Variants in STON1 observed in about 807,000 individuals in gnomAD.
The protein encoded by STON1 is stonin 1, also known as stonin-1.
In STON1, 79 loss-of-function variants were observed where a neutral mutation model predicts 60.9. The observed-to-expected ratio is 1.30, with a 90% CI of 1.08 to 1.56. The LOEUF (loss-of-function observed/expected upper bound fraction) is 1.56, where lower values mean the gene tolerates loss of function less well. STON1 is among the 40% of genes most tolerant of loss of function. The pLI is 0.00. For missense variants in STON1, 1,166 were observed against 858.9 expected (o/e 1.36, Z -4.47); for synonymous variants, 363 against 306.9 (o/e 1.18, Z -1.91).
rs762534620 is a variant in STON1 at position 48,580,620 on chromosome 2, A to G, written c.-14A>G. On this transcript the variant is annotated 5_prime_UTR_variant, in exon 2 of 4. Coordinates refer to ENST00000404752, the MANE Select transcript of STON1 (RefSeq NM_006873.4). The stretch of plus-strand genomic sequence containing the variant: ...TATTTGATTTCTTGACAAGACCACA[A>G]TCTGATCCCAAAGATGTGCTCCACA... 6.7e-6 allele frequency: 9 copies of G among 1,341,770 alleles called. No individual in the cohort carries two copies. The highest frequency in any genetic ancestry group is 8.7e-6 in the Non-Finnish European group (9 of 1,039,336). 83.1% of individuals were successfully genotyped at this position (1,341,770 alleles called of 1,614,324 possible). A position where few individuals can be genotyped will look rare whatever the true frequency, so the allele number is the denominator to read the frequency against.
At chr2:48,551,016 T>C (rs1264438723) in intron 1 of STON1, among the ~76,000 whole-genome samples, 1 of 148,352 alleles carries the variant, frequency 6.7e-6, no homozygotes, top group Non-Finnish European at 1.5e-5. Flanking sequence ...CTGGTTTCTG[T>C]ATTTATTATT....
chr2:48,592,518 G>A (rs940995123), intron 3 of STON1, among the ~76,000 whole-genome samples: 4 of 150,718 alleles, frequency 2.7e-5, no homozygotes, highest in South Asian at 2.1e-4. Context: ...TGCAACCTCC[G>A]CCTCCTGGGT....
chr2:48,572,107 G>A (rs1323950231), intron 1 of STON1, among the ~76,000 whole-genome samples: 1 of 152,188 alleles, frequency 6.6e-6, no homozygotes, highest in Non-Finnish European at 1.5e-5. Context: ...AGGTTGCAGT[G>A]AGCCAAGATC....
Position 48,581,549 on chromosome 2 carries a change from A to G in STON1, c.916A>G (p.Ile306Val), listed in dbSNP as rs1046708917. ...PIFLKVLPGG[I>V]LQMYYEQGLE... ...TTTTCTGAAAGTTTTGCCTGGAGGA[A>G]TTTTGCAGATGTATTATGAACAGGG... The change falls in exon 2 of 4, where the codon ATT becomes GTT. Residue 306 changes from isoleucine to valine, a missense_variant. By Grantham distance (29) the Ile-to-Val change is conservative. Coordinates refer to ENST00000404752, the MANE Select transcript of STON1 (RefSeq NM_006873.4). 12 of 1,614,086 alleles carry G rather than the reference A, an allele frequency of 7.4e-6. No homozygotes were observed. Among genetic ancestry groups the G allele is most frequent in the Non-Finnish European group, 1.0e-5 (12 of 1,180,042 alleles).
chr2:48,573,603 T>A (rs1476016217), intron 1 of STON1, among the ~76,000 whole-genome samples: 3 of 152,186 alleles, frequency 2.0e-5, no homozygotes, highest in Non-Finnish European at 4.4e-5. Context: ...CTGGTGTCAT[T>A]AGAATAATTT....
intron 1 of STON1, among the ~76,000 whole-genome samples, chr2:48,548,152 G>A (rs1671937896): frequency 6.6e-6 from 1 of 152,184 alleles, no homozygotes; most frequent in African/African-American, 2.4e-5. Flanking sequence ...GGCTTGGCCA[G>A]GGCCTTTCTA....
chr2:48,575,781 G>A (rs1393819978), intron 1 of STON1, among the ~76,000 whole-genome samples: 3 of 97,248 alleles, frequency 3.1e-5, no homozygotes, highest in East Asian at 7.8e-4. Context: ...TTTTTGAGAT[G>A]CAGTTTTGCT....
intron 1 of STON1, 78 bp from the exon 2 acceptor site, chr2:48,580,509 C>T: frequency 3.2e-6 from 4 of 1,249,970 alleles, no homozygotes; most frequent in Non-Finnish European, 3.0e-6. Context: ...AAGCATTTAT[C>T]AGAAGTAAAG....
chr2:48,596,799 G>C lies in STON1; in HGVS notation c.*1497G>C, dbSNP rs1674798935. The C allele has an allele frequency of 6.6e-6, 1 of 152,030 alleles. No individual in the cohort carries two copies. The highest frequency in any genetic ancestry group is 1.5e-5 in the Non-Finnish European group (1 of 68,000). 9.4% of individuals were successfully genotyped at this position (152,030 alleles called of 1,614,324 possible). On this transcript the variant is annotated 3_prime_UTR_variant, in exon 4 of 4. Transcript: ENST00000404752. ...TGCTTTTCATTATTTTACTGTAAAG[G>C]CAAAGAATGCAATAGGTGATGGTTG...
In STON1 at chr2:48,571,892, C is replaced by T. The variant is rs552376145; in HGVS notation, c.-47-8695C>T. Among the ~76,000 whole-genome samples the T allele has an allele frequency of 8.7e-4, 132 of 152,266 alleles. 1 individual carries two copies. Among genetic ancestry groups the T allele is most frequent in the Middle Eastern group, 3.4e-3 (1 of 292 alleles). ...GTAAAAAGGATTGATAGGCTGGGCA[C>T]GGTGGCTCACGCCTGTAATCCCAGC... On this transcript the variant is annotated intron_variant, in intron 1 of 3. Transcript: ENST00000404752.
chr2:48,540,209 T>C (rs78269052), intron 1 of STON1, among the ~76,000 whole-genome samples: 18,205 of 152,178 alleles, frequency 0.12, 1,242 homozygotes, highest in African/African-American at 0.15. Context: ...TTGAAGTGTT[T>C]GGATGGGAGG....
intron 1 of STON1, among the ~76,000 whole-genome samples, chr2:48,554,707 A>AT (rs11475306): frequency 0.035 from 3,078 of 88,586 alleles, 340 homozygotes; most frequent in African/African-American, 0.091. Context: ...TAAGTGCAAA[A>AT]TTTTTTTTTT....
Position 48,591,658 on chromosome 2 carries a change from G to C in STON1, c.1936G>C (p.Asp646His), listed in dbSNP as rs1360595097. 5 of 1,613,772 alleles carry C rather than the reference G, an allele frequency of 3.1e-6. No homozygotes were observed. The highest frequency in any genetic ancestry group is 2.2e-5 in the East Asian group (1 of 44,878). Residue 646 changes from aspartate to histidine, a missense_variant, in exon 3 of 4, where the codon GAT becomes CAT. Asp to His is a moderately conservative substitution (Grantham distance 81). Coordinates refer to ENST00000404752, the MANE Select transcript of STON1 (RefSeq NM_006873.4). ...DRLPDKNSSL[D>H]HPHCLSYKLE... is the part of the protein sequence containing the mutation. ...TTGATTTTTTTTCCCTCGAGGTCTA[G>C]ATCATCCCCATTGTCTGTCATACAA...
chr2:48,573,443 G>T (rs1673320627), intron 1 of STON1, among the ~76,000 whole-genome samples: 1 of 152,208 alleles, frequency 6.6e-6, no homozygotes, highest in African/African-American at 2.4e-5. Context: ...GCATCACTTT[G>T]GAGTTGGAAA....
chr2:48,567,731 C>T (rs753247418), intron 1 of STON1, among the ~76,000 whole-genome samples: 1 of 152,190 alleles, frequency 6.6e-6, no homozygotes, highest in Non-Finnish European at 1.5e-5. Flanking sequence ...ACTGTCATAG[C>T]AAGCCCTTAA....
At chr2:48,535,895 T>C (rs1216010305) in intron 1 of STON1, among the ~76,000 whole-genome samples, 2 of 152,040 alleles carry the variant, frequency 1.3e-5, no homozygotes, top group Non-Finnish European at 2.9e-5. Context: ...GAGAACAGCC[T>C]GGGCAACAAG....
rs370307564 is a variant in STON1 at position 48,538,110 on chromosome 2, C to T, written c.-48+7894C>T. ...CTGGGATTACAGGCACGCGCCACCA[C>T]GTGGGCCCAGCTAATTTTTTGTATT... On this transcript the variant is annotated intron_variant, in intron 1 of 3. Transcript: ENST00000404752. 1.2e-3 allele frequency among the ~76,000 whole-genome samples: 188 copies of T among 151,840 alleles called. 1 individual carries two copies. Among genetic ancestry groups the T allele is most frequent in the South Asian group, 6.9e-3 (33 of 4,798 alleles).
chr2:48,550,335 T>C (rs1672046283), intron 1 of STON1, among the ~76,000 whole-genome samples: 1 of 151,758 alleles, frequency 6.6e-6, no homozygotes, highest in African/African-American at 2.4e-5. Flanking sequence ...CTCTCTCTGC[T>C]AAATACAAAA....
rs181306570 is a variant in STON1 at position 48,587,111 on chromosome 2, C to G, written c.1931-4542C>G. The stretch of plus-strand genomic sequence containing the variant: ...CTTCAAACACATACCCATATTTGGG[C>G]CCCATCCCCTACTAATCGGGCTCTA... On this transcript the variant is annotated intron_variant, in intron 2 of 3. Coordinates refer to ENST00000404752, the MANE Select transcript of STON1 (RefSeq NM_006873.4). Among the ~76,000 whole-genome samples, 695 of 152,234 alleles carry G rather than the reference C, an allele frequency of 4.6e-3. 31 individuals carry two copies. The highest frequency in any genetic ancestry group is 0.042 in the Admixed American group (638 of 15,290).
Sources: gnomAD v4.1 joint callset for allele counts (sites outside exome capture counted in the v4.1 genomes callset) on GRCh38, gnomAD v4.1.1 for gene constraint, MANE v1.5 for transcripts, NCBI Gene and HGNC (gene_info 2026-07-23, HGNC 2026-07-21) for gene names.